SRGAP1: variants seen among roughly 807,000 people sequenced by gnomAD.
SRGAP1 encodes the protein SLIT-ROBO Rho GTPase activating protein 1.
A neutral mutation model predicts 121.9 loss-of-function variants in SRGAP1; 43 were observed. The ratio of observed to expected loss-of-function variants is 0.35; its 90% CI spans 0.28 to 0.46. SRGAP1 has a LOEUF of 0.46. SRGAP1 is among the 20% of genes least tolerant of loss of function. The pLI is 1.00. For missense variants in SRGAP1, 1,102 were observed against 1,350.9 expected (o/e 0.82, Z 2.89); for synonymous variants, 447 against 485.4 (o/e 0.92, Z 1.04).
Position 64,160,898 on chromosome 12 carries a change from G to GCATCAGT in SRGAP1, c.*18227_*18233dup, listed in dbSNP as rs1402749610. On this transcript the variant is annotated 3_prime_UTR_variant, in exon 22 of 22. Transcript: ENST00000355086. ...TTCCCCTCAGGATTTTGGAGATGTT[G>GCATCAGT]CATCAGTGTTGCTACCGAACATTCC... 2 of 152,170 alleles carry GCATCAGT rather than the reference G, an allele frequency of 1.3e-5. No homozygotes were observed. Among genetic ancestry groups the GCATCAGT allele is most frequent in the Non-Finnish European group, 2.9e-5 (2 of 68,024 alleles). The allele number at this position is 152,170 out of a possible 1,614,324, so 9.4% of individuals were successfully genotyped here.
chr12:64,072,794 G>A (rs2035666733), intron 8 of SRGAP1, among the ~76,000 whole-genome samples: 1 of 152,204 alleles, frequency 6.6e-6, no homozygotes. Flanking sequence ...CAGGGAATGA[G>A]AACACTGAAA....
chr12:64,087,819 T>G (rs1251427558), intron 11 of SRGAP1, among the ~76,000 whole-genome samples: 1 of 152,238 alleles, frequency 6.6e-6, no homozygotes, highest in Non-Finnish European at 1.5e-5. Context: ...TTCTCCATTT[T>G]GATTCACTTT....
intron 14 of SRGAP1, among the ~76,000 whole-genome samples, chr12:64,096,387 T>G (rs577032957): frequency 2.6e-5 from 4 of 152,340 alleles, no homozygotes; most frequent in Non-Finnish European, 5.9e-5. Context: ...GCACACTTTT[T>G]GTGAACTTTA....
chr12:63,970,032 C>T (rs753805797), intron 1 of SRGAP1, among the ~76,000 whole-genome samples: 9 of 152,106 alleles, frequency 5.9e-5, no homozygotes, highest in Admixed American at 2.6e-4. Flanking sequence ...CTATGCTTCC[C>T]TTTATCCTTT....
intron 3 of SRGAP1, among the ~76,000 whole-genome samples, chr12:64,014,528 C>T (rs1179130983): frequency 1.3e-5 from 2 of 152,188 alleles, no homozygotes; most frequent in Non-Finnish European, 2.9e-5. Flanking sequence ...GGCTTAATAC[C>T]TGGGCAAAAT....
intron 4 of SRGAP1, among the ~76,000 whole-genome samples, chr12:64,025,155 A>T (rs917688930): frequency 6.7e-5 from 10 of 149,428 alleles, no homozygotes; most frequent in South Asian, 2.1e-4. Context: ...GTTTAAATAA[A>T]AAAAAAAAAA....
At chr12:63,975,952 C>G (rs948232709) in intron 1 of SRGAP1, among the ~76,000 whole-genome samples, 1 of 152,158 alleles carries the variant, frequency 6.6e-6, no homozygotes, top group Non-Finnish European at 1.5e-5. Context: ...ATACAACTTA[C>G]AAAGAAAACT....
At chr12:64,130,662 A>G (rs1592349894) in intron 21 of SRGAP1, among the ~76,000 whole-genome samples, 1 of 152,184 alleles carries the variant, frequency 6.6e-6, no homozygotes, top group South Asian at 2.1e-4. Flanking sequence ...GATGATAGGG[A>G]GCATGGTAAG....
At chr12:63,951,879 T>C (rs1046832328) in intron 1 of SRGAP1, among the ~76,000 whole-genome samples, 1 of 152,164 alleles carries the variant, frequency 6.6e-6, no homozygotes, top group Non-Finnish European at 1.5e-5. Context: ...TATGAAAACA[T>C]TTTATTGCTT....
intron 8 of SRGAP1, among the ~76,000 whole-genome samples, chr12:64,067,348 T>G (rs2035559205): frequency 6.6e-6 from 1 of 152,176 alleles, no homozygotes; most frequent in African/African-American, 2.4e-5. Context: ...AGTTCGAGAC[T>G]GCACTGAGGT....
intron 1 of SRGAP1, among the ~76,000 whole-genome samples, chr12:63,882,732 T>C (rs983854581): frequency 1.3e-5 from 2 of 152,236 alleles, no homozygotes; most frequent in Admixed American, 1.3e-4. Context: ...ATTTACAGAC[T>C]GTTGGTTAAA....
intron 19 of SRGAP1, among the ~76,000 whole-genome samples, chr12:64,127,199 A>C (rs1361015191): frequency 3.3e-5 from 5 of 152,190 alleles, no homozygotes; most frequent in African/African-American, 1.2e-4. Context: ...CATTTCTCAG[A>C]ACGTATCCTC....
At chr12:63,846,782 T>C (rs1227089937) in intron 1 of SRGAP1, among the ~76,000 whole-genome samples, 1 of 152,176 alleles carries the variant, frequency 6.6e-6, no homozygotes, top group Non-Finnish European at 1.5e-5. Flanking sequence ...GTATCTAACC[T>C]AGATCACTAC....
chr12:64,069,991 C>T (rs1001574170), intron 8 of SRGAP1, among the ~76,000 whole-genome samples: 2 of 152,230 alleles, frequency 1.3e-5, no homozygotes, highest in African/African-American at 4.8e-5. Context: ...CCCACCTTGG[C>T]CTCCCAGAGT....
Position 64,128,052 on chromosome 12 carries a change from G to A in SRGAP1, c.2732G>A (p.Arg911His), listed in dbSNP as rs759843034. The A allele has an allele frequency of 6.8e-6, 11 of 1,613,988 alleles. No individual in the cohort carries two copies. Among genetic ancestry groups the A allele is most frequent in the African/African-American group, 2.7e-5 (2 of 74,896 alleles). ...GLNNDSPERR[R>H]RPGHGSLTNI... ...AACAATGACAGTCCTGAGCGGAGGC[G>A]CAGGCCTGGCCATGGCAGCCTGACC... is the stretch of plus-strand genomic sequence containing the variant. The change falls in exon 21 of 22, where the codon CGC becomes CAC. Residue 911 changes from arginine (R) to histidine (H), a missense_variant. Around this residue, in one of 3 missense-constraint regions of SRGAP1, gnomAD observed 315 missense variants for 343.1 expected, o/e 0.92. Transcript: ENST00000355086.
rs759460005 is a variant in SRGAP1 at position 63,926,248 on chromosome 12, A to AT, written c.68-57693dup. Among the ~76,000 whole-genome samples, 14 of 152,266 alleles carry AT rather than the reference A, an allele frequency of 9.2e-5. No individual in the cohort carries two copies. In the East Asian group the frequency reaches 2.3e-3, roughly 25 times the overall value. On this transcript the variant is annotated intron_variant, in intron 1 of 21. Coordinates refer to ENST00000355086, the MANE Select transcript of SRGAP1 (RefSeq NM_020762.4). ...ATATCTTAACAGCAAGCAAATGTGG[A>AT]TTTTTTGTTATAAATAATAGTTAAG...
chr12:63,988,464 A>G (rs1378635590), intron 2 of SRGAP1, among the ~76,000 whole-genome samples: 6 of 152,184 alleles, frequency 3.9e-5, no homozygotes, highest in African/African-American at 9.7e-5. Context: ...CAGTGTGCCA[A>G]TGGGAAGAAT....
chr12:64,091,423 C>A, intron 12 of SRGAP1, 45 bp downstream of exon 12: 1 of 1,409,302 alleles, frequency 7.1e-7, no homozygotes, highest in Non-Finnish European at 9.9e-7. Flanking sequence ...ATGCTTCTTA[C>A]TATAATGGTC....
At chr12:64,109,950 G>A (rs2036405179) in intron 16 of SRGAP1, among the ~76,000 whole-genome samples, 1 of 152,130 alleles carries the variant, frequency 6.6e-6, no homozygotes, top group African/African-American at 2.4e-5. Flanking sequence ...GGAAATGTTG[G>A]CAGAGAACCA....
Sources: allele counts gnomAD v4.1 joint callset (sites outside exome capture counted in the v4.1 genomes callset), GRCh38; gene constraint gnomAD v4.1.1; regional missense constraint gnomAD v4.1.1; transcripts MANE v1.5; gene names NCBI Gene and HGNC (gene_info 2026-07-23, HGNC 2026-07-21).